The following LRRTM4 variants were observed in gnomAD, a reference collection of about 807,000 sequenced individuals.
The protein encoded by LRRTM4 is leucine rich repeat transmembrane neuronal 4.
In LRRTM4, 25 loss-of-function variants were observed where a neutral mutation model predicts 47.6. That is an observed-to-expected ratio of 0.53 (90% CI 0.38 to 0.73). LRRTM4 has a LOEUF of 0.73. Ranked by LOEUF, LRRTM4 falls within the 30% of genes least tolerant of loss-of-function variation. LRRTM4 has a pLI of 0.00. For missense variants in LRRTM4, 638 were observed against 713.4 expected (o/e 0.89, Z 1.20); for synonymous variants, 311 against 269.5 (o/e 1.15, Z -1.51).
chr2:76,760,817 C>A (rs1673226049), intron 3 of LRRTM4, among the ~76,000 whole-genome samples: 1 of 152,182 alleles, frequency 6.6e-6, no homozygotes. Context: ...AATTTGGCTG[C>A]TTTCTCAGCT....
intron 3 of LRRTM4, among the ~76,000 whole-genome samples, chr2:76,971,847 CAT>C (rs1676230649): frequency 6.6e-6 from 1 of 151,802 alleles, no homozygotes; most frequent in African/African-American, 2.4e-5. Flanking sequence ...ACGGACAAAA[CAT>C]AGAACAACAT....
At chr2:77,069,638 T>C (rs1680084670) in intron 3 of LRRTM4, among the ~76,000 whole-genome samples, 1 of 152,170 alleles carries the variant, frequency 6.6e-6, no homozygotes, top group South Asian at 2.1e-4. Flanking sequence ...TTCAAGAGAT[T>C]TGTCTATTTT....
intron 3 of LRRTM4, among the ~76,000 whole-genome samples, chr2:77,029,910 G>C (rs1428372926): frequency 6.6e-6 from 1 of 151,972 alleles, no homozygotes; most frequent in African/African-American, 2.4e-5. Context: ...GGGACTCAGG[G>C]GGAAATTAAA....
intron 3 of LRRTM4, among the ~76,000 whole-genome samples, chr2:76,855,701 G>C (rs1672128717): frequency 6.6e-6 from 1 of 152,038 alleles, no homozygotes; most frequent in African/African-American, 2.4e-5. Flanking sequence ...CTAGAGAGTG[G>C]GTCTGAGGGC....
intron 3 of LRRTM4, among the ~76,000 whole-genome samples, chr2:77,429,506 T>A (rs564922038): frequency 1.4e-4 from 22 of 152,094 alleles, no homozygotes; most frequent in African/African-American, 5.1e-4. Flanking sequence ...CACAATGAAA[T>A]ACTACTCAGC....
intron 3 of LRRTM4, among the ~76,000 whole-genome samples, chr2:76,975,651 T>G (rs1676394151): frequency 6.6e-6 from 1 of 151,646 alleles, no homozygotes; most frequent in Non-Finnish European, 1.5e-5. Flanking sequence ...GGTTAGAAGT[T>G]AACTGTGGAA....
At chr2:76,955,380 G>A (rs888748997) in intron 3 of LRRTM4, among the ~76,000 whole-genome samples, 2 of 151,786 alleles carry the variant, frequency 1.3e-5, no homozygotes, top group Non-Finnish European at 2.9e-5. Context: ...TTCAAGTTAA[G>A]TTGTTACCTA....
chr2:77,418,164 C>G lies in LRRTM4; in HGVS notation c.1551+100154G>C, dbSNP rs114379037. Among the ~76,000 whole-genome samples the G allele has an allele frequency of 5.3e-3, 801 of 152,244 alleles. 6 individuals are homozygous for G. The highest frequency in any genetic ancestry group is 0.018 in the African/African-American group (757 of 41,550). ...CAAGGGTTCTTAGCGTAGACCCTAACTAAATTTTTGATATTTTTTTTGAGC... is the reference window on the plus strand; with the variant it reads ...CAAGGGTTCTTAGCGTAGACCCTAAGTAAATTTTTGATATTTTTTTTGAGC... On this transcript the variant is annotated intron_variant, in intron 3 of 3. Transcript: ENST00000409884.
rs543606418 is a variant in LRRTM4 at position 77,492,886 on chromosome 2, G to T, written c.1551+25432C>A. Among the ~76,000 whole-genome samples the T allele has an allele frequency of 4.6e-5, 7 of 152,008 alleles. 1 individual carries two copies. ...ATATATTTTAATGCCCAAATCTCATGTTACTAACACTTTATCCACTGGTCA... is the reference window on the plus strand; with the variant it reads ...ATATATTTTAATGCCCAAATCTCATTTTACTAACACTTTATCCACTGGTCA... On this transcript the variant is annotated intron_variant, in intron 3 of 3. Transcript: ENST00000409884.
intron 3 of LRRTM4, among the ~76,000 whole-genome samples, chr2:77,365,063 C>A (rs1240084146): frequency 1.3e-5 from 2 of 151,776 alleles, no homozygotes; most frequent in Non-Finnish European, 2.9e-5. Context: ...AAGTTGAACA[C>A]TAATGAGATA....
chr2:77,026,430 A>G (rs1217662199), intron 3 of LRRTM4, among the ~76,000 whole-genome samples: 2 of 152,130 alleles, frequency 1.3e-5, no homozygotes, highest in African/African-American at 2.4e-5. Context: ...AACCCACAGA[A>G]TGATCATGGG....
At chr2:77,084,027 C>G (rs956933781) in intron 3 of LRRTM4, among the ~76,000 whole-genome samples, 1 of 151,578 alleles carries the variant, frequency 6.6e-6, no homozygotes, top group African/African-American at 2.4e-5. Context: ...GGATGATCCC[C>G]ATCTCCTGAC....
intron 3 of LRRTM4, among the ~76,000 whole-genome samples, chr2:76,923,967 G>A (rs1674511341): frequency 6.6e-6 from 1 of 152,038 alleles, no homozygotes; most frequent in Non-Finnish European, 1.5e-5. Context: ...TGGCATAGGT[G>A]TGGAGTGTTT....
At chr2:76,903,274 C>A (rs932427572) in intron 3 of LRRTM4, among the ~76,000 whole-genome samples, 6 of 152,048 alleles carry the variant, frequency 3.9e-5, no homozygotes. Context: ...TGGTGGAGGA[C>A]ACCTGTAATC....
intron 3 of LRRTM4, among the ~76,000 whole-genome samples, chr2:77,312,279 T>C (rs78791472): frequency 7.3e-6 from 1 of 136,556 alleles, no homozygotes; most frequent in African/African-American, 2.8e-5. Context: ...CTGACTCTTT[T>C]ATTCACATTG....
chr2:77,205,742 A>G (rs889659451), intron 3 of LRRTM4, among the ~76,000 whole-genome samples: 30 of 152,204 alleles, frequency 2.0e-4, no homozygotes, highest in African/African-American at 5.3e-4. Flanking sequence ...AATCATGACT[A>G]TCATGAGGAG....
chr2:77,185,685 T>G (rs577412167), intron 3 of LRRTM4, among the ~76,000 whole-genome samples: 1 of 152,124 alleles, frequency 6.6e-6, no homozygotes, highest in Admixed American at 6.6e-5. Flanking sequence ...TATTCAAGAG[T>G]AGTTAGTTGC....
intron 3 of LRRTM4, among the ~76,000 whole-genome samples, chr2:76,813,504 G>A (rs1157632104): frequency 6.6e-6 from 1 of 152,078 alleles, no homozygotes; most frequent in Non-Finnish European, 1.5e-5. Context: ...TTGTTCTTAT[G>A]TGATATTCTT....
At chr2:77,400,529 GCTT>G (rs2103834966) in intron 3 of LRRTM4, among the ~76,000 whole-genome samples, 1 of 151,972 alleles carries the variant, frequency 6.6e-6, no homozygotes, top group Non-Finnish European at 1.5e-5. Context: ...AAGTCTCCTT[GCTT>G]CTTCTCTTGC....
Sources: gnomAD v4.1 joint callset for allele counts (sites outside exome capture counted in the v4.1 genomes callset) on GRCh38, gnomAD v4.1.1 for gene constraint, MANE v1.5 for transcripts, NCBI Gene and HGNC (gene_info 2026-07-23, HGNC 2026-07-21) for gene names.